PCDHGB3: variants seen among roughly 807,000 people sequenced by gnomAD.
PCDHGB3 encodes protocadherin gamma-B3.
A neutral mutation model predicts 59.2 loss-of-function variants in PCDHGB3; 40 were observed. That is an observed-to-expected ratio of 0.68 (90% CI 0.52 to 0.88). The LOEUF is 0.88. Among genes scored for constraint, PCDHGB3 ranks in the 40% least tolerant of loss-of-function variants. The pLI, the probability that PCDHGB3 is intolerant of heterozygous loss-of-function variation, is 0.00. For synonymous variants in PCDHGB3, 581 were observed against 503.6 expected, an observed-to-expected ratio of 1.15 and a Z score of -2.06; for missense variants, 1,309 against 1,187.9, an observed-to-expected ratio of 1.10 and a Z score of -1.50.
intron 1 of PCDHGB3, among the ~76,000 whole-genome samples, chr5:141,387,391 A>T (rs1029358024): frequency 4.6e-5 from 7 of 152,220 alleles, no homozygotes; most frequent in Non-Finnish European, 1.0e-4. Context: ...TAGATAGTGC[A>T]TGTTTGAAGA....
At chr5:141,473,966 G>A (rs1268822103) in intron 1 of PCDHGB3, among the ~76,000 whole-genome samples, 3 of 152,174 alleles carry the variant, frequency 2.0e-5, no homozygotes, top group Non-Finnish European at 4.4e-5. Context: ...CTACTTAGAA[G>A]TCTGAGGCGG....
chr5:141,415,107 A>T, intron 1 of PCDHGB3: 1 of 1,613,624 alleles, frequency 6.2e-7, no homozygotes, highest in Non-Finnish European at 8.5e-7. Flanking sequence ...CGCTCAAGCA[A>T]AGCCTCGTAG....
intron 1 of PCDHGB3, chr5:141,419,543 G>A (rs573594140): frequency 2.5e-5 from 40 of 1,612,106 alleles, no homozygotes; most frequent in African/African-American, 2.0e-4. Context: ...CGCACCGCGG[G>A]TGCTGTACCC....
chr5:141,422,677 C>G, intron 1 of PCDHGB3: 1 of 1,606,186 alleles, frequency 6.2e-7, no homozygotes, highest in Non-Finnish European at 8.5e-7. Context: ...GGACAGCAAA[C>G]AGAATGCCCT....
chr5:141,510,916 G>C (rs1044988697), intron 3 of PCDHGB3, 31 bp from the exon 4 acceptor site: 2 of 1,613,714 alleles, frequency 1.2e-6, no homozygotes, highest in African/African-American at 1.3e-5. Flanking sequence ...CCTAAGTTTA[G>C]CTCCCACCTG....
chr5:141,384,410 A>G, intron 1 of PCDHGB3: 1 of 1,613,844 alleles, frequency 6.2e-7, no homozygotes, highest in Non-Finnish European at 8.5e-7. Flanking sequence ...GTGTCCTCCT[A>G]TGTCTCCATA....
chr5:141,509,233 AG>A (rs1204393769), intron 3 of PCDHGB3, among the ~76,000 whole-genome samples: 1 of 152,104 alleles, frequency 6.6e-6, no homozygotes, highest in Non-Finnish European at 1.5e-5. Context: ...TTGATGTCCC[AG>A]GATTACTCAG....
Position 141,372,294 on chromosome 5 carries a change from G to A in PCDHGB3, c.1900G>A (p.Asp634Asn), listed in dbSNP as rs536487253. The change falls in exon 1 of 4, where the codon GAC (aspartate) becomes AAC (asparagine). Residue 634 changes from aspartate (D) to asparagine (N), a missense_variant. Transcript: ENST00000576222. ...GEVRTARTLG[D>N]REAARQRLLV... Reference sequence around the variant, plus strand: ...GGTGCGCACGGCGCGTACCTTGGGCGACAGGGAGGCCGCCCGCCAGCGCCT... The same window carrying A: ...GGTGCGCACGGCGCGTACCTTGGGCAACAGGGAGGCCGCCCGCCAGCGCCT... 2 of 1,613,280 alleles carry A rather than the reference G, an allele frequency of 1.2e-6. No individual in the cohort carries two copies. Among genetic ancestry groups the A allele is most frequent in the Non-Finnish European group, 1.7e-6 (2 of 1,179,884 alleles).
At chr5:141,418,692 C>T in intron 1 of PCDHGB3, 5 of 1,614,032 alleles carry the variant, frequency 3.1e-6, no homozygotes, top group Non-Finnish European at 4.2e-6. Flanking sequence ...TCAGAGATCA[C>T]TTATTCCTTC....
intron 1 of PCDHGB3, among the ~76,000 whole-genome samples, chr5:141,484,723 G>T (rs930331672): frequency 1.3e-5 from 2 of 151,930 alleles, no homozygotes; most frequent in Non-Finnish European, 2.9e-5. Flanking sequence ...AAGGGGCGGG[G>T]TCAGTCGGTG....
At chr5:141,419,190 A>G in intron 1 of PCDHGB3, 1 of 1,613,930 alleles carries the variant, frequency 6.2e-7, no homozygotes, top group South Asian at 1.1e-5. Flanking sequence ...CACATTACTG[A>G]CGTCAATGAC....
intron 1 of PCDHGB3, chr5:141,427,812 G>T: frequency 6.6e-7 from 1 of 1,524,404 alleles, no homozygotes; most frequent in Non-Finnish European, 9.0e-7. Flanking sequence ...CGCACAGAGC[G>T]GGGTGGTGGT....
rs761704779 is a variant in PCDHGB3 at position 141,486,764 on chromosome 5, C to T, written c.2416-8043C>T. ...CTTTGACTATGAGCAAACCCAGACA[C>T]TGCAGTTTGAGGTGCAGGCCCGGGA... On this transcript the variant is annotated intron_variant, in intron 1 of 3. Transcript: ENST00000576222. This position sits in a 1 kb window ranked among gnomAD's most constrained non-coding sequence, Gnocchi z 5.0. 6.2e-7 allele frequency: 1 copy of T among 1,614,264 alleles called. No homozygotes were observed. The highest frequency in any genetic ancestry group is 2.2e-5 in the East Asian group (1 of 44,880).
chr5:141,383,219 A>G (rs1333678455), intron 1 of PCDHGB3: 2 of 1,614,000 alleles, frequency 1.2e-6, no homozygotes, highest in Admixed American at 3.3e-5. Context: ...GTAAACTTTA[A>G]CATCCTGATG....
chr5:141,476,556 C>G lies in PCDHGB3; in HGVS notation c.2416-18251C>G. On this transcript the variant is annotated intron_variant, in intron 1 of 3. Transcript: ENST00000576222. This position sits in a 1 kb window ranked among gnomAD's most constrained non-coding sequence, Gnocchi z 7.6. ...GAAATGAAATTGGAGATTAGCGAGG[C>G]CGTGGCTCCGGGGACGCGCTTTCCG... The G allele has an allele frequency of 6.2e-7, 1 of 1,614,234 alleles. No homozygotes were observed. The highest frequency in any genetic ancestry group is 8.5e-7 in the Non-Finnish European group (1 of 1,180,036).
At chr5:141,399,816 G>T (rs1399321740) in intron 1 of PCDHGB3, 1 of 1,613,196 alleles carries the variant, frequency 6.2e-7, no homozygotes, top group Non-Finnish European at 8.5e-7. Flanking sequence ...ACCCCGCGCT[G>T]GGTCCCGACG....
At chr5:141,383,425 C>T in intron 1 of PCDHGB3, 1 of 1,613,980 alleles carries the variant, frequency 6.2e-7, no homozygotes, top group Non-Finnish European at 8.5e-7. Context: ...CAGCCCCAAT[C>T]GCCACTTCTC....
intron 1 of PCDHGB3, among the ~76,000 whole-genome samples, chr5:141,488,741 C>A (rs2099678972): frequency 1.3e-5 from 2 of 152,310 alleles, no homozygotes; most frequent in South Asian, 4.1e-4. Context: ...TGAAGTCATG[C>A]AGGAAGTTGC....
At chr5:141,399,592 G>A (rs1385029299) in intron 1 of PCDHGB3, 4 of 1,613,880 alleles carry the variant, frequency 2.5e-6, no homozygotes, top group Non-Finnish European at 3.4e-6. Flanking sequence ...CTCTATCATG[G>A]CCAGCGACCT....
Sources: allele counts gnomAD v4.1 joint callset (sites outside exome capture counted in the v4.1 genomes callset), GRCh38; gene constraint gnomAD v4.1.1; non-coding constraint Gnocchi (gnomAD v3.1); transcripts MANE v1.5; gene names NCBI Gene and HGNC (gene_info 2026-07-23, HGNC 2026-07-21).